DMD: variants seen among roughly 807,000 people sequenced by gnomAD.
DMD encodes dystrophin, also known as mutant dystrophin.
In DMD, 63 loss-of-function variants were observed where a neutral mutation model predicts 330.1. The ratio of observed to expected loss-of-function variants is 0.19; its 90% CI spans 0.16 to 0.24. The LOEUF is 0.24. Among genes scored for constraint, DMD ranks in the 10% least tolerant of loss-of-function variants. The pLI is 1.00. For missense variants in DMD, 3,344 were observed against 2,684.1 expected (o/e 1.25, Z -5.43); for synonymous variants, 1,223 against 959.8 (o/e 1.27, Z -5.07).
intron 9 of DMD, among the ~76,000 whole-genome samples, chrX:32,695,451 A>T (rs2063577303): frequency 8.9e-6 from 1 of 111,876 alleles, no homozygotes; most frequent in Admixed American, 9.5e-5. Context: ...TAAAATATTA[A>T]TATATCATAA....
chrX:32,674,953 T>C (rs190599275), intron 9 of DMD, among the ~76,000 whole-genome samples: 19 of 111,738 alleles, frequency 1.7e-4, no homozygotes, highest in Non-Finnish European at 1.1e-4. Flanking sequence ...CAGGATATAA[T>C]AGACTTTAAT....
At chrX:31,268,813 T>G (rs1385351654) in intron 62 of DMD, among the ~76,000 whole-genome samples, 1 of 112,342 alleles carries the variant, frequency 8.9e-6, no homozygotes, top group Non-Finnish European at 1.9e-5. Flanking sequence ...AACACCTGGA[T>G]AGTAAGACAT....
chrX:33,040,486 G>A (rs1157882831), intron 1 of DMD, among the ~76,000 whole-genome samples: 1 of 110,629 alleles, frequency 9.0e-6, no homozygotes, highest in Non-Finnish European at 1.9e-5. Context: ...AGGCATATAA[G>A]GCTTGCTGAA....
At chrX:32,864,113 T>C (rs1414164407) in intron 2 of DMD, among the ~76,000 whole-genome samples, 3 of 112,478 alleles carry the variant, frequency 2.7e-5, no homozygotes, top group Admixed American at 1.9e-4. Context: ...TCAAATATTG[T>C]CAAATATTAC....
At chrX:32,643,942 T>C (rs2059630352) in intron 11 of DMD, among the ~76,000 whole-genome samples, 190 bp downstream of exon 11, 1 of 112,019 alleles carries the variant, frequency 8.9e-6, no homozygotes, top group African/African-American at 3.2e-5. Flanking sequence ...ATCTAACATC[T>C]GCTCTTTTAG....
rs1603334415 is a variant in DMD at position 33,129,588 on chromosome X, C to T, written c.31+81694G>A. ...ATATTTGGCAATTATAAGCATGGAC[C>T]GTGCTGGCAGTAAGTTAAAATGTGA... is the stretch of plus-strand genomic sequence containing the variant. On this transcript the variant is annotated intron_variant, in intron 1 of 78. Coordinates refer to ENST00000357033, the MANE Select transcript of DMD (RefSeq NM_004006.3). 3.7e-5 allele frequency among the ~76,000 whole-genome samples: 4 copies of T among 107,778 alleles called. No individual in the cohort carries two copies. The Middle Eastern group carries it at 0.019, about 521-fold the overall frequency. 93.6% of individuals were successfully genotyped at this position (107,778 alleles called of 115,157 possible). A position where few individuals can be genotyped will look rare whatever the true frequency, so the allele number is the denominator to read the frequency against.
chrX:32,240,204 A>G (rs767412609), intron 43 of DMD, among the ~76,000 whole-genome samples: 11 of 111,801 alleles, frequency 9.8e-5, no homozygotes, highest in Non-Finnish European at 2.1e-4. Flanking sequence ...TCACTGGTGG[A>G]TCATTACATA....
intron 52 of DMD, among the ~76,000 whole-genome samples, chrX:31,712,178 C>A (rs1416817572): frequency 9.0e-6 from 1 of 111,482 alleles, no homozygotes; most frequent in African/African-American, 3.3e-5. Context: ...CAGGAAAATG[C>A]CAAAAAAATG....
intron 67 of DMD, among the ~76,000 whole-genome samples, chrX:31,195,015 A>G (rs149603763): frequency 0.02 from 2,295 of 112,059 alleles, 23 homozygotes; most frequent in South Asian, 0.042. Context: ...CAGAAGCAGA[A>G]CTTTTTGTTT....
chrX:32,682,902 T>C (rs779175923), intron 9 of DMD, among the ~76,000 whole-genome samples: 3 of 111,952 alleles, frequency 2.7e-5, no homozygotes, highest in Non-Finnish European at 5.6e-5. Context: ...GCGGAGTGAC[T>C]GGGAGTATCC....
rs1331768326 is a variant in DMD, at chrX:31,799,442, A to T, written c.7309+20533T>A. On this transcript the variant is annotated intron_variant, in intron 50 of 78. Transcript: ENST00000357033. ...TTATAAAACCATCAGATCTCATGTG[A>T]AATCACCCACTATCATGAGAATAGC... Among the ~76,000 whole-genome samples, 6 of 111,213 alleles carry T rather than the reference A, an allele frequency of 5.4e-5. No homozygotes were observed. The Admixed American group carries it at 5.7e-4, about 11-fold the overall frequency.
chrX:32,765,868 T>C (rs1200463295), intron 7 of DMD, among the ~76,000 whole-genome samples: 1 of 112,009 alleles, frequency 8.9e-6, no homozygotes, highest in Non-Finnish European at 1.9e-5. Flanking sequence ...CCTGATCCAT[T>C]TTGACTTAAT....
intron 51 of DMD, among the ~76,000 whole-genome samples, chrX:31,748,628 T>C (rs976930079): frequency 1.7e-4 from 19 of 112,149 alleles, no homozygotes; most frequent in Non-Finnish European, 3.6e-4. Flanking sequence ...CTAGTTATTG[T>C]GCTTTTCCTA....
intron 16 of DMD, among the ~76,000 whole-genome samples, chrX:32,551,889 G>T (rs1299074930): frequency 9.0e-6 from 1 of 111,517 alleles, no homozygotes; most frequent in Non-Finnish European, 1.9e-5. Context: ...TTGTCAAAAA[G>T]AAATAAGATA....
At chrX:32,823,793 T>A (rs768157212) in intron 4 of DMD, among the ~76,000 whole-genome samples, 2 of 111,765 alleles carry the variant, frequency 1.8e-5, no homozygotes, top group South Asian at 7.5e-4. Context: ...AACGCCTCTG[T>A]TTTAGAATGA....
intron 13 of DMD, among the ~76,000 whole-genome samples, chrX:32,581,424 T>C (rs1167200407): frequency 8.9e-6 from 1 of 111,774 alleles, no homozygotes; most frequent in Non-Finnish European, 1.9e-5. Flanking sequence ...GGTTAGAAAT[T>C]CTTAGTTCAT....
At chrX:33,008,317 T>A (rs899989917) in intron 2 of DMD, among the ~76,000 whole-genome samples, 4 of 111,461 alleles carry the variant, frequency 3.6e-5, no homozygotes, top group Admixed American at 1.9e-4. Flanking sequence ...GTTAAAGTTA[T>A]ATCAGTACAT....
intron 55 of DMD, among the ~76,000 whole-genome samples, chrX:31,517,029 A>T (rs2072280952): frequency 9.0e-6 from 1 of 111,190 alleles, no homozygotes; most frequent in South Asian, 3.9e-4. Flanking sequence ...TTCATTTAAG[A>T]TCTCCTAGGT....
At chrX:32,013,278 A>G (rs1035907525) in intron 44 of DMD, among the ~76,000 whole-genome samples, 5 of 108,471 alleles carry the variant, frequency 4.6e-5, no homozygotes, top group African/African-American at 1.4e-4. Context: ...GTAGAGATAG[A>G]GTTTCACCAT....
Sources: allele counts gnomAD v4.1 joint callset (sites outside exome capture counted in the v4.1 genomes callset), GRCh38; gene constraint gnomAD v4.1.1; transcripts MANE v1.5; gene names NCBI Gene and HGNC (gene_info 2026-07-23, HGNC 2026-07-21).